Variants in AKR1E2 observed in about 807,000 individuals in gnomAD.
The protein encoded by AKR1E2 is aldo-keto reductase family 1 member E2.
Under a neutral mutation model 41.9 loss-of-function variants are expected in AKR1E2, and 43 were observed. The observed-to-expected ratio is 1.03, with a 90% CI of 0.80 to 1.32. AKR1E2 has a LOEUF of 1.32. Among genes scored for constraint, AKR1E2 ranks in the 40% most tolerant of loss-of-function variants. The pLI is 0.00. For synonymous variants in AKR1E2, 121 were observed against 138.9 expected (o/e 0.87, Z 0.91); for missense variants, 423 against 396.5 (o/e 1.07, Z -0.57).
the AKR1E2 span, among the ~76,000 whole-genome samples, chr10:4,872,365 A>T: frequency 6.6e-6 from 1 of 152,364 alleles, no homozygotes; most frequent in African/African-American, 2.4e-5. Flanking sequence ...TATGTCAAAC[A>T]TTCAGAAATG....
At chr10:4,858,825 T>TC in the AKR1E2 span, among the ~76,000 whole-genome samples, 35 of 137,826 alleles carry the variant, frequency 2.5e-4, no homozygotes, top group East Asian at 2.3e-3. Context: ...GAATTTGGAT[T>TC]TTTTTTTTTT....
chr10:4,840,015 G>A (rs1833747943), intron 6 of AKR1E2, among the ~76,000 whole-genome samples, 189 bp downstream of exon 6: 1 of 152,136 alleles, frequency 6.6e-6, no homozygotes, highest in Admixed American at 6.5e-5. Context: ...TTGGAAGCCA[G>A]GGAGTGGCTG....
intron 2 of AKR1E2, 131 bp from the exon 3 acceptor site, chr10:4,833,219 G>T: frequency 1.4e-6 from 1 of 726,116 alleles, no homozygotes; most frequent in Non-Finnish European, 2.5e-6. Context: ...ATCAGAACTT[G>T]CCGTGTTGTA....
At chr10:4,834,681 C>G (rs1833260698) in intron 3 of AKR1E2, among the ~76,000 whole-genome samples, 1 of 152,224 alleles carries the variant, frequency 6.6e-6, no homozygotes, top group Non-Finnish European at 1.5e-5. Context: ...ATTATTGGAG[C>G]CCAGAAGCAT....
At chr10:4,830,906 A>G (rs1207991052) in intron 2 of AKR1E2, 64 bp downstream of exon 2, 26 of 1,590,198 alleles carry the variant, frequency 1.6e-5, no homozygotes, top group Middle Eastern at 1.8e-4. Context: ...AGGGCTTTCT[A>G]CTTTCTTTAT....
chr10:4,842,409 G>T lies in AKR1E2; in HGVS notation c.754-12G>T. 6.2e-7 allele frequency: 1 copy of T among 1,613,014 alleles called. No individual in the cohort carries two copies. The highest frequency in any genetic ancestry group is 1.7e-5 in the Admixed American group (1 of 59,906). Reference sequence around the variant, plus strand: ...CCCTTTGTGTGATAGTAGACTTTTTGTTTCCTTGCAGATTTTGATCCGATT... The same window carrying T: ...CCCTTTGTGTGATAGTAGACTTTTTTTTTCCTTGCAGATTTTGATCCGATT... On this transcript the variant is annotated splice_polypyrimidine_tract_variant and intron_variant, in intron 7 of 9. Transcript: ENST00000298375.
At chr10:4,845,664 G>C (rs115564497) in intron 8 of AKR1E2, 35 of 463,974 alleles carry the variant, frequency 7.5e-5, no homozygotes, top group East Asian at 2.1e-4. Context: ...CATCGCCCCA[G>C]TTCTGCCCTT....
At chr10:4,828,227 T>C (rs1832698847) in intron 1 of AKR1E2, among the ~76,000 whole-genome samples, 1 of 152,040 alleles carries the variant, frequency 6.6e-6, no homozygotes. Context: ...GTTGGGATGG[T>C]TGGGGCTACT....
At chr10:4,871,138 G>C in the AKR1E2 span, among the ~76,000 whole-genome samples, 1 of 151,726 alleles carries the variant, frequency 6.6e-6, no homozygotes, top group Non-Finnish European at 1.5e-5. Flanking sequence ...TTCCAAATCT[G>C]GTTATTCATT....
At chr10:4,839,975 C>T in intron 6 of AKR1E2, 149 bp downstream of exon 6, 1 of 737,782 alleles carries the variant, frequency 1.4e-6, no homozygotes, top group Non-Finnish European at 2.3e-6. Flanking sequence ...CCACACCTCT[C>T]AAGCCTGGGA....
At chr10:4,869,928 T>C in the AKR1E2 span, among the ~76,000 whole-genome samples, 2 of 152,094 alleles carry the variant, frequency 1.3e-5, no homozygotes, top group African/African-American at 4.8e-5. Context: ...GGTTATTTTC[T>C]ATATGTTGTG....
At chr10:4,842,346 C>A in intron 7 of AKR1E2, 75 bp from the exon 8 acceptor site, 3 of 1,358,266 alleles carry the variant, frequency 2.2e-6, no homozygotes, top group Non-Finnish European at 3.1e-6. Flanking sequence ...CATGATAAAA[C>A]TCACATGTTA....
chr10:4,837,403 A>G, intron 4 of AKR1E2, 56 bp from the exon 5 acceptor site: 2 of 1,593,924 alleles, frequency 1.3e-6, no homozygotes, highest in Non-Finnish European at 1.7e-6. Flanking sequence ...TGAGGGACGT[A>G]GATTGTCAGT....
the AKR1E2 span, among the ~76,000 whole-genome samples, chr10:4,873,102 C>G: frequency 1.3e-5 from 2 of 152,108 alleles, no homozygotes. Flanking sequence ...TCGGAGGAAC[C>G]CAGTGGGAGG....
chr10:4,838,172 G>C (rs1010576107), intron 5 of AKR1E2, among the ~76,000 whole-genome samples: 2 of 152,226 alleles, frequency 1.3e-5, no homozygotes, highest in East Asian at 1.9e-4. Flanking sequence ...ACTGAGCATA[G>C]CTCTGGGACT....
Position 4,842,505 on chromosome 10 carries a change from G to C in AKR1E2, c.837+1G>C, listed in dbSNP as rs745450309. The C allele has an allele frequency of 6.2e-7, 1 of 1,613,530 alleles. No individual in the cohort carries two copies. The highest frequency in any genetic ancestry group is 1.3e-5 in the African/African-American group (1 of 75,034). On this transcript the variant is annotated splice_donor_variant, in intron 8 of 9. Transcript: ENST00000298375. LOFTEE classifies it high-confidence loss of function. ...AAGTCACATTAAAGAGAATATCCAG[G>C]TAGGTGTATTCCTTCTTTTATTTGG...
At position 4,847,799 on chromosome 10, in the gene AKR1E2, A is replaced by G; in HGVS notation, c.*269A>G. 4.2e-6 allele frequency: 2 copies of G among 472,796 alleles called. No individual in the cohort carries two copies. Among genetic ancestry groups the G allele is most frequent in the Non-Finnish European group, 7.4e-6 (2 of 269,528 alleles). 29.3% of individuals were successfully genotyped at this position (472,796 alleles called of 1,614,324 possible). ...AGTCATCAGTGAAATTTGCCTTCAC[A>G]TTTTAAGAAAACTTTATCTTATGGA... On this transcript the variant is annotated 3_prime_UTR_variant, in exon 10 of 10. Coordinates refer to ENST00000298375, the MANE Select transcript of AKR1E2 (RefSeq NM_001040177.3).
In AKR1E2 at chr10:4,826,710, G is replaced by T. The variant is rs1031516690; in HGVS notation, c.39+347G>T. The stretch of plus-strand genomic sequence containing the variant: ...TACTCAGAACTGGAGCGGGGATGCC[G>T]AGGGGAGGCCTTGGCGGCGCTGGAC... On this transcript the variant is annotated intron_variant, in intron 1 of 9. Transcript: ENST00000298375. Among the ~76,000 whole-genome samples, 5 of 152,172 alleles carry T rather than the reference G, an allele frequency of 3.3e-5. No homozygotes were observed. The East Asian group carries it at 7.7e-4, about 24-fold the overall frequency.
the AKR1E2 span, among the ~76,000 whole-genome samples, chr10:4,862,447 G>GT: frequency 1.3e-5 from 2 of 152,182 alleles, no homozygotes; most frequent in Admixed American, 6.5e-5. Flanking sequence ...CTTTAAAGTA[G>GT]TTTTTTCCAA....
Sources: gnomAD v4.1 joint callset for allele counts (sites outside exome capture counted in the v4.1 genomes callset) on GRCh38, gnomAD v4.1.1 for gene constraint, MANE v1.5 for transcripts, NCBI Gene and HGNC (gene_info 2026-07-23, HGNC 2026-07-21) for gene names.